FAM110D: variants seen among roughly 807,000 people sequenced by gnomAD.
The protein encoded by FAM110D is protein FAM110D.
For missense variants in FAM110D, 376 were observed against 395.6 expected (o/e 0.95, Z 0.42); for synonymous variants, 174 against 189.4 (o/e 0.92, Z 0.67).
At position 26,161,744 on chromosome 1, in the gene FAM110D, G is replaced by T. The variant is rs1358003146; in HGVS notation, c.453G>T (p.Leu151=). The change falls in exon 2 of 2, where the codon CTG becomes CTT. Residue 151 remains leucine, a synonymous_variant. Transcript: ENST00000374268. This position sits in a 1 kb window ranked among gnomAD's most constrained non-coding sequence, Gnocchi z 5.4. ...CGGAAGCGGCGGGAAAGCGGGCGCT[G>T]TGTCCCACGTGCTCGCTGCCCCTGT... ...DAPEAAGKRA[L]CPTCSLPLSE... 2 of 1,548,508 alleles carry T rather than the reference G, an allele frequency of 1.3e-6. No homozygotes were observed. The highest frequency in any genetic ancestry group is 8.7e-7 in the Non-Finnish European group (1 of 1,146,580).
chr1:26,161,251 C>T lies in FAM110D; in HGVS notation c.-41C>T. The stretch of plus-strand genomic sequence containing the variant: ...AAGCCAATTGCTCTAGGCCCCGTGG[C>T]TGGCTACTTATGGGGCACTGTCCTG... On this transcript the variant is annotated 5_prime_UTR_variant, in exon 2 of 2. Coordinates refer to ENST00000374268, the MANE Select transcript of FAM110D (RefSeq NM_024869.3). The surrounding 1 kb of genome is among the most constrained non-coding windows in gnomAD (Gnocchi z 5.4). The T allele has an allele frequency of 3.4e-6, 5 of 1,480,506 alleles. No homozygotes were observed. In the East Asian group the frequency reaches 9.9e-5, roughly 29 times the overall value. 91.7% of individuals were successfully genotyped at this position (1,480,506 alleles called of 1,614,324 possible).
chr1:26,159,928 G>C (rs2088345613), intron 1 of FAM110D, among the ~76,000 whole-genome samples: 1 of 152,122 alleles, frequency 6.6e-6, no homozygotes, highest in Admixed American at 6.5e-5. Context: ...GGATAAAAAA[G>C]GGACAAGGAC....
Position 26,163,930 on chromosome 1 carries a change from A to T in FAM110D, c.*1823A>T. On this transcript the variant is annotated 3_prime_UTR_variant, in exon 2 of 2. Transcript: ENST00000374268. The stretch of plus-strand genomic sequence containing the variant: ...CCTCTGGAGCTCTCCAACTTCCTGG[A>T]AAGTTGTACCTTAAATAAAAAACCC... 2.6e-6 allele frequency: 1 copy of T among 381,916 alleles called. No individual in the cohort carries two copies. Among genetic ancestry groups the T allele is most frequent in the Non-Finnish European group, 4.6e-6 (1 of 216,126 alleles). 23.7% of individuals were successfully genotyped at this position (381,916 alleles called of 1,614,324 possible).
rs756322658 is a variant in FAM110D at position 26,161,255 on chromosome 1, C to T, written c.-37C>T. On this transcript the variant is annotated 5_prime_UTR_variant, in exon 2 of 2. Transcript: ENST00000374268. This position sits in a 1 kb window ranked among gnomAD's most constrained non-coding sequence, Gnocchi z 5.4. ...CAATTGCTCTAGGCCCCGTGGCTGG[C>T]TACTTATGGGGCACTGTCCTGACCA... 6.7e-6 allele frequency: 10 copies of T among 1,484,966 alleles called. No homozygotes were observed. In the East Asian group the frequency reaches 2.2e-4, roughly 33 times the overall value. The allele number at this position is 1,484,966 out of a possible 1,614,324, so 92.0% of individuals were successfully genotyped here.
intron 1 of FAM110D, among the ~76,000 whole-genome samples, chr1:26,160,690 C>G (rs2088357677): frequency 6.6e-6 from 1 of 152,254 alleles, no homozygotes; most frequent in African/African-American, 2.4e-5. Flanking sequence ...GGGACCACCT[C>G]CCTCTCCTGC....
chr1:26,160,958 G>C (rs2088361063), intron 1 of FAM110D, among the ~76,000 whole-genome samples: 1 of 152,240 alleles, frequency 6.6e-6, no homozygotes. Context: ...TGCTTGCTAA[G>C]GCCTGCTTGC....
chr1:26,159,536 G>C (rs1339630971), intron 1 of FAM110D, among the ~76,000 whole-genome samples: 1 of 151,532 alleles, frequency 6.6e-6, no homozygotes, highest in Non-Finnish European at 1.5e-5. Flanking sequence ...CTGCCAAGGA[G>C]ACTCCCTGGG....
Position 26,162,814 on chromosome 1 carries a change from T to G in FAM110D, c.*707T>G, listed in dbSNP as rs1487009448. 6.6e-6 allele frequency: 1 copy of G among 152,116 alleles called. No homozygotes were observed. The highest frequency in any genetic ancestry group is 6.5e-5 in the Admixed American group (1 of 15,270). The allele number at this position is 152,116 out of a possible 1,614,324, so 9.4% of individuals were successfully genotyped here. A position where few individuals can be genotyped will look rare whatever the true frequency, so the allele number is the denominator to read the frequency against. On this transcript the variant is annotated 3_prime_UTR_variant, in exon 2 of 2. Transcript: ENST00000374268. This position sits in a 1 kb window ranked among gnomAD's most constrained non-coding sequence, Gnocchi z 5.3. ...CTGCCCCAGTTGTGGTCACTGGGTA[T>G]GAAGGGCTGAGATCCAACCTTTCGG... is the stretch of plus-strand genomic sequence containing the variant.
intron 1 of FAM110D, among the ~76,000 whole-genome samples, chr1:26,159,347 C>T (rs923196509): frequency 1.3e-5 from 2 of 152,204 alleles, no homozygotes; most frequent in African/African-American, 4.8e-5. Flanking sequence ...GTCTGAGGTC[C>T]GGCCTCCAGG....
Position 26,162,034 on chromosome 1 carries a change from G to A in FAM110D, c.743G>A (p.Arg248His). The change falls in exon 2 of 2, where the codon CGC (arginine) becomes CAC (histidine). Residue 248 changes from arginine (R) to histidine (H), a missense_variant. Coordinates refer to ENST00000374268, the MANE Select transcript of FAM110D (RefSeq NM_024869.3). This position sits in a 1 kb window ranked among gnomAD's most constrained non-coding sequence, Gnocchi z 5.3. ...CGCCCCCCGGTGTCGGTGGTGGAGC[G>A]CAACGCGCGCGTCATCCAGTGGCTG... ...DRRPPVSVVE[R>H]NARVIQWLYG... 1 of 1,248,910 alleles carries A rather than the reference G, an allele frequency of 8.0e-7. No individual in the cohort carries two copies. Among genetic ancestry groups the A allele is most frequent in the Non-Finnish European group, 1.0e-6 (1 of 999,948 alleles). The allele number at this position is 1,248,910 out of a possible 1,614,324, so 77.4% of individuals were successfully genotyped here.
At position 26,161,047 on chromosome 1, in the gene FAM110D, C is replaced by G. The variant is rs1407189776; in HGVS notation, c.-80-165C>G. Among the ~76,000 whole-genome samples, 16 of 152,208 alleles carry G rather than the reference C, an allele frequency of 1.1e-4. No homozygotes were observed. ...GCCAGAGAGACCCCACTCAATGTCT[C>G]TGAAGGACAGGGAAAGGGGATGGCC... On this transcript the variant is annotated intron_variant, in intron 1 of 1. Transcript: ENST00000374268. The surrounding 1 kb of genome is among the most constrained non-coding windows in gnomAD (Gnocchi z 5.4).
chr1:26,161,770 C>G lies in FAM110D; in HGVS notation c.479C>G (p.Ser160Trp). 6.4e-7 allele frequency: 1 copy of G among 1,550,474 alleles called. No homozygotes were observed. Among genetic ancestry groups the G allele is most frequent in the Non-Finnish European group, 8.7e-7 (1 of 1,147,632 alleles). ...ALCPTCSLPL[S>W]EKERFFNYCG... ...TGTCCCACGTGCTCGCTGCCCCTGTCGGAGAAGGAGCGCTTCTTCAACTAC... is the reference window on the plus strand; with the variant it reads ...TGTCCCACGTGCTCGCTGCCCCTGTGGGAGAAGGAGCGCTTCTTCAACTAC... Residue 160 changes from serine to tryptophan, a missense_variant, in exon 2 of 2, where the codon TCG becomes TGG. Physicochemically the swap from Ser to Trp is radical, Grantham distance 177. Transcript: ENST00000374268. The surrounding 1 kb of genome is among the most constrained non-coding windows in gnomAD (Gnocchi z 5.4).
intron 1 of FAM110D, among the ~76,000 whole-genome samples, chr1:26,159,445 G>T (rs905326943): frequency 3.9e-5 from 6 of 152,130 alleles, no homozygotes; most frequent in African/African-American, 1.4e-4. Flanking sequence ...CCTGCTCAGG[G>T]CTGGGGAGAA....
In FAM110D at chr1:26,161,963, G is replaced by A; in HGVS notation, c.672G>A (p.Ala224=). ...GGGGCGTGGACAGCCCGGGCGGCGC[G>A]GGCGGCGGCGGCGGCTCGGAGGCAG... is the stretch of plus-strand genomic sequence containing the variant. ...SDRGVDSPGG[A]GGGGGSEAAG... is the part of the protein sequence containing the mutation. Residue 224 remains alanine, a synonymous_variant, in exon 2 of 2, where the codon GCG becomes GCA. Transcript: ENST00000374268. This position sits in a 1 kb window ranked among gnomAD's most constrained non-coding sequence, Gnocchi z 5.4. 1 of 1,245,166 alleles carries A rather than the reference G, an allele frequency of 8.0e-7. No homozygotes were observed. 77.1% of individuals were successfully genotyped at this position (1,245,166 alleles called of 1,614,324 possible).
At chr1:26,160,749 G>A (rs1459090358) in intron 1 of FAM110D, among the ~76,000 whole-genome samples, 1 of 152,204 alleles carries the variant, frequency 6.6e-6, no homozygotes, top group Non-Finnish European at 1.5e-5. Context: ...GCAATTACTG[G>A]AGGCTCCTAC....
Position 26,161,535 on chromosome 1 carries a change from G to C in FAM110D, c.244G>C (p.Asp82His). Reference protein sequence around the residue: ...RGSGRRLPRPDSLIFYRQKRD... With the variant: ...RGSGRRLPRPHSLIFYRQKRD... Reference sequence around the variant, plus strand: ...AAGCGGCAGGCGGCTGCCGAGGCCTGATTCCCTCATCTTCTACCGCCAGAA... The same window carrying C: ...AAGCGGCAGGCGGCTGCCGAGGCCTCATTCCCTCATCTTCTACCGCCAGAA... The change falls in exon 2 of 2, where the codon GAT becomes CAT. Residue 82 changes from aspartate to histidine, a missense_variant. Coordinates refer to ENST00000374268, the MANE Select transcript of FAM110D (RefSeq NM_024869.3). The surrounding 1 kb of genome is among the most constrained non-coding windows in gnomAD (Gnocchi z 5.4). 6.4e-7 allele frequency: 1 copy of C among 1,550,546 alleles called. No individual in the cohort carries two copies. Among genetic ancestry groups the C allele is most frequent in the Non-Finnish European group, 8.7e-7 (1 of 1,147,026 alleles).
rs1173684177 is a variant in FAM110D at position 26,161,709 on chromosome 1, C to T, written c.418C>T (p.Gln140Ter). The change falls in exon 2 of 2, where the codon CAG becomes TAG. Residue 140 changes from glutamine to a stop codon, truncating the protein, a stop_gained. Coordinates refer to ENST00000374268, the MANE Select transcript of FAM110D (RefSeq NM_024869.3). LOFTEE classifies it low-confidence loss of function (END_TRUNC). The surrounding 1 kb of genome is among the most constrained non-coding windows in gnomAD (Gnocchi z 5.4). ...GGCTTCAGGGGGTTGGGCTGCGCCCCAGGATGCCCCGGAAGCGGCGGGAAA... is the reference window on the plus strand; with the variant it reads ...GGCTTCAGGGGGTTGGGCTGCGCCCTAGGATGCCCCGGAAGCGGCGGGAAA... ...PAASGGWAAPQDAPEAAGKRA... is the reference protein window; with the variant it reads ...PAASGGWAAP 1.3e-6 allele frequency: 2 copies of T among 1,550,682 alleles called. No homozygotes were observed. Among genetic ancestry groups the T allele is most frequent in the Non-Finnish European group, 1.7e-6 (2 of 1,147,366 alleles).
At position 26,161,100 on chromosome 1, in the gene FAM110D, C is replaced by T. The variant is rs562495078; in HGVS notation, c.-80-112C>T. The T allele has an allele frequency of 3.5e-5, 20 of 574,504 alleles. No individual in the cohort carries two copies. The highest frequency in any genetic ancestry group is 2.0e-4 in the Admixed American group (6 of 29,848). The allele number at this position is 574,504 out of a possible 1,614,324, so 35.6% of individuals were successfully genotyped here. A position where few individuals can be genotyped will look rare whatever the true frequency, so the allele number is the denominator to read the frequency against. The stretch of plus-strand genomic sequence containing the variant: ...AGCCTCTGCTCCCTGGATGTGGCAC[C>T]GGCTAACCTGGATGGGAGAGGGTGG... On this transcript the variant is annotated intron_variant, in intron 1 of 1. Coordinates refer to ENST00000374268, the MANE Select transcript of FAM110D (RefSeq NM_024869.3). This position sits in a 1 kb window ranked among gnomAD's most constrained non-coding sequence, Gnocchi z 5.4.
chr1:26,161,337 A>AGCGCCGTGGAGAG lies in FAM110D; in HGVS notation c.49_61dup (p.Leu21ArgfsTer21). The AGCGCCGTGGAGAG allele has an allele frequency of 1.3e-6, 2 of 1,591,686 alleles. No individual in the cohort carries two copies. The highest frequency in any genetic ancestry group is 1.7e-6 in the Non-Finnish European group (2 of 1,169,512). On this transcript the variant is annotated frameshift_variant, in exon 2 of 2. Coordinates refer to ENST00000374268, the MANE Select transcript of FAM110D (RefSeq NM_024869.3). LOFTEE classifies it low-confidence loss of function (END_TRUNC). This position sits in a 1 kb window ranked among gnomAD's most constrained non-coding sequence, Gnocchi z 5.4. ...CACCCCGTCCAGAGGACGGACCCCC[A>AGCGCCGTGGAGAG]GCGCCGTGGAGAGGCTGGAAGCCGA...
Sources: gnomAD v4.1 joint callset for allele counts (sites outside exome capture counted in the v4.1 genomes callset) on GRCh38, gnomAD v4.1.1 for gene constraint, Gnocchi (gnomAD v3.1) non-coding constraint, MANE v1.5 for transcripts, NCBI Gene and HGNC (gene_info 2026-07-23, HGNC 2026-07-21) for gene names.